Variants in DOCK6 observed in about 807,000 individuals in gnomAD.
The protein encoded by DOCK6 is dedicator of cytokinesis 6.
DOCK6 carries 167 observed loss-of-function variants against 230.3 expected under a neutral mutation model. The observed-to-expected ratio is 0.73, with a 90% CI of 0.64 to 0.82. The LOEUF (loss-of-function observed/expected upper bound fraction) is 0.82. DOCK6 is among the 40% of genes least tolerant of loss of function. DOCK6 has a pLI of 0.00. For missense variants in DOCK6, 2,598 were observed against 2,825.8 expected (o/e 0.92, Z 1.83); for synonymous variants, 1,148 against 1,185.0 (o/e 0.97, Z 0.64).
rs527956436 is a variant in DOCK6, at chr19:11,201,682, C to T, written c.5688+207G>A. Among the ~76,000 whole-genome samples, 7 of 151,812 alleles carry T rather than the reference C, an allele frequency of 4.6e-5. No individual in the cohort carries two copies. In the East Asian group the frequency reaches 5.8e-4, roughly 13 times the overall value. On this transcript the variant is annotated intron_variant, in intron 44 of 47. Transcript: ENST00000294618. The surrounding 1 kb of genome is among the most constrained non-coding windows in gnomAD (Gnocchi z 4.3). ...GGCCACCCTGGGTCTGGGGTCCCTG[C>T]ATCTTGCCTCCCAGGTCTCCCTGGG...
intron 16 of DOCK6, 84 bp downstream of exon 16, chr19:11,237,961 C>A: frequency 6.7e-7 from 1 of 1,501,624 alleles, no homozygotes; most frequent in Non-Finnish European, 9.1e-7. Flanking sequence ...ATCTTCCCAT[C>A]GATGCTGCCT....
chr19:11,239,793 G>A (rs2079911930), intron 14 of DOCK6: 7 of 1,609,212 alleles, frequency 4.3e-6, no homozygotes, highest in Non-Finnish European at 5.9e-6. Flanking sequence ...TCAACGGTGT[G>A]TACAGGACCA....
chr19:11,236,629 C>A lies in DOCK6; in HGVS notation c.2161-52G>T. On this transcript the variant is annotated intron_variant, in intron 19 of 47. Coordinates refer to ENST00000294618, the MANE Select transcript of DOCK6 (RefSeq NM_020812.4). This position sits in a 1 kb window ranked among gnomAD's most constrained non-coding sequence, Gnocchi z 5.2. The stretch of plus-strand genomic sequence containing the variant: ...GTGGGGCCTCAGGGAATGAAGACCA[C>A]CCCTGCCTGAATCAGCAGCTTCCCT... The A allele has an allele frequency of 6.6e-7, 1 of 1,520,838 alleles. No homozygotes were observed. The highest frequency in any genetic ancestry group is 8.9e-7 in the Non-Finnish European group (1 of 1,121,162). 94.2% of individuals were successfully genotyped at this position (1,520,838 alleles called of 1,614,324 possible). A position where few individuals can be genotyped will look rare whatever the true frequency, so the allele number is the denominator to read the frequency against.
At chr19:11,232,751 T>A (rs1396141099) in intron 22 of DOCK6, among the ~76,000 whole-genome samples, 1 of 151,624 alleles carries the variant, frequency 6.6e-6, no homozygotes, top group Admixed American at 6.6e-5. Flanking sequence ...CATATATGCA[T>A]AGGGTGAATG....
chr19:11,244,530 G>A (rs1416414142), intron 9 of DOCK6, among the ~76,000 whole-genome samples: 3 of 124,468 alleles, frequency 2.4e-5, no homozygotes, highest in East Asian at 2.6e-4. Context: ...GCACAATCTC[G>A]GCTCACTGCA....
intron 24 of DOCK6, among the ~76,000 whole-genome samples, chr19:11,226,887 G>T (rs2147797089): frequency 6.6e-6 from 1 of 152,214 alleles, no homozygotes; most frequent in Non-Finnish European, 1.5e-5. Context: ...CTGTGCTAAG[G>T]GTTAATGGAT....
chr19:11,255,880 G>A (rs1364647551), intron 1 of DOCK6, among the ~76,000 whole-genome samples: 14 of 152,114 alleles, frequency 9.2e-5, no homozygotes, highest in Admixed American at 3.3e-4. Flanking sequence ...TCCGCCTCCC[G>A]GGTTCACGCC....
intron 14 of DOCK6, among the ~76,000 whole-genome samples, chr19:11,241,073 C>T (rs1035133916): frequency 3.3e-5 from 5 of 151,922 alleles, no homozygotes; most frequent in East Asian, 3.9e-4. Context: ...GGTGAAACCC[C>T]GTCTCTACTA....
chr19:11,238,321 G>C lies in DOCK6; in HGVS notation c.1644-17C>G. On this transcript the variant is annotated splice_polypyrimidine_tract_variant and intron_variant, in intron 14 of 47. Transcript: ENST00000294618. The stretch of plus-strand genomic sequence containing the variant: ...AGCAGGTTCCTGTGGGGGGCAGGAT[G>C]GGGGTGTCAGAGGGACAGGGGCCCT... 6.3e-7 allele frequency: 1 copy of C among 1,588,466 alleles called. No homozygotes were observed. Among genetic ancestry groups the C allele is most frequent in the Non-Finnish European group, 8.6e-7 (1 of 1,168,338 alleles).
At chr19:11,221,605 C>T (rs958172099) in intron 28 of DOCK6, 36 of 547,866 alleles carry the variant, frequency 6.6e-5, no homozygotes. Context: ...CTCAGTACTA[C>T]AGCCCCCCAC....
At chr19:11,224,373 G>A (rs1483800282) in intron 24 of DOCK6, among the ~76,000 whole-genome samples, 1 of 151,722 alleles carries the variant, frequency 6.6e-6, no homozygotes, top group Non-Finnish European at 1.5e-5. Context: ...ACCACACCTG[G>A]CTAACTTCTG....
intron 24 of DOCK6, among the ~76,000 whole-genome samples, chr19:11,225,071 A>T (rs1367812691): frequency 1.3e-5 from 2 of 152,002 alleles, no homozygotes; most frequent in Non-Finnish European, 2.9e-5. Flanking sequence ...CTCAAAAAAA[A>T]AAAAAAATTA....
At chr19:11,227,562 T>C (rs2079688336) in intron 23 of DOCK6, 85 bp from the exon 24 acceptor site, 28 of 1,438,550 alleles carry the variant, frequency 1.9e-5, no homozygotes, top group Non-Finnish European at 2.6e-5. Flanking sequence ...CTTGAAGGGC[T>C]GTGGGTGGGG....
Position 11,233,458 on chromosome 19 carries a change from T to C in DOCK6, c.2555-92A>G, listed in dbSNP as rs17001253. The stretch of plus-strand genomic sequence containing the variant: ...CTCAGCTAATCTCTGCAAAATCACT[T>C]TCCTTCTCTGAGCCTCTAAGTTCCT... On this transcript the variant is annotated intron_variant, in intron 21 of 47. Coordinates refer to ENST00000294618, the MANE Select transcript of DOCK6 (RefSeq NM_020812.4). The C allele has an allele frequency of 4.5e-3, 6,629 of 1,463,120 alleles. 247 individuals carry two copies. In the African/African-American group the frequency reaches 0.081, roughly 18 times the overall value. 90.6% of individuals were successfully genotyped at this position (1,463,120 alleles called of 1,614,324 possible). A position where few individuals can be genotyped will look rare whatever the true frequency, so the allele number is the denominator to read the frequency against.
intron 35 of DOCK6, among the ~76,000 whole-genome samples, chr19:11,212,484 C>G (rs2079405174): frequency 6.6e-6 from 1 of 151,974 alleles, no homozygotes; most frequent in Non-Finnish European, 1.5e-5. Context: ...TCAAGTGATT[C>G]ACCTGCCTAG....
rs967870618 is a variant in DOCK6 at position 11,201,254 on chromosome 19, G to T, written c.5689-202C>A. Reference sequence around the variant, plus strand: ...TGGGTCTGGTGCCCTGGGGTCCAGGGGCTTTACCTCTGGGGTCTCCAGACT... The same window carrying T: ...TGGGTCTGGTGCCCTGGGGTCCAGGTGCTTTACCTCTGGGGTCTCCAGACT... On this transcript the variant is annotated intron_variant, in intron 44 of 47. Coordinates refer to ENST00000294618, the MANE Select transcript of DOCK6 (RefSeq NM_020812.4). The surrounding 1 kb of genome is among the most constrained non-coding windows in gnomAD (Gnocchi z 4.3). Among the ~76,000 whole-genome samples, 1 of 151,998 alleles carries T rather than the reference G, an allele frequency of 6.6e-6. No individual in the cohort carries two copies. Among genetic ancestry groups the T allele is most frequent in the Non-Finnish European group, 1.5e-5 (1 of 67,946 alleles).
intron 1 of DOCK6, among the ~76,000 whole-genome samples, chr19:11,261,440 A>G (rs934147329): frequency 2.7e-5 from 4 of 149,174 alleles, no homozygotes; most frequent in Non-Finnish European, 4.4e-5. Context: ...CTCCGCCACT[A>G]TATCCCAAGA....
rs114281937 is a variant in DOCK6 at position 11,237,532 on chromosome 19, C to T, written c.1997G>A (p.Arg666His). ...GAGACAGAAGGGGCCGGTCCTCAGG[C>T]GCCCGTGCTGCAGCAGTGGGATCCA... ...FTWIPLLQHGRLRTGPFCLPV... is the reference protein window; with the variant it reads ...FTWIPLLQHGHLRTGPFCLPV... Residue 666 changes from arginine to histidine, a missense_variant, in exon 18 of 48, where the codon CGC becomes CAC. By Grantham distance (29) the Arg-to-His change is conservative. Coordinates refer to ENST00000294618, the MANE Select transcript of DOCK6 (RefSeq NM_020812.4). The T allele has an allele frequency of 1.5e-3, 2,447 of 1,612,110 alleles. 33 individuals carry two copies. In the African/African-American group the frequency reaches 0.028, roughly 18 times the overall value.
intron 34 of DOCK6, among the ~76,000 whole-genome samples, chr19:11,213,612 CTT>C (rs566375291): frequency 2.3e-4 from 32 of 138,910 alleles, no homozygotes; most frequent in Admixed American, 2.9e-4. Flanking sequence ...GAATGAGCTC[CTT>C]TTTTTTTTTT....
Sources: gnomAD v4.1 joint callset for allele counts (sites outside exome capture counted in the v4.1 genomes callset) on GRCh38, gnomAD v4.1.1 for gene constraint, Gnocchi (gnomAD v3.1) non-coding constraint, MANE v1.5 for transcripts, NCBI Gene and HGNC (gene_info 2026-07-23, HGNC 2026-07-21) for gene names.